Variants in RPL14 observed in about 807,000 individuals in gnomAD.
RPL14 encodes the protein large ribosomal subunit protein eL14.
Under a neutral mutation model 25.3 loss-of-function variants are expected in RPL14, and 4 were observed. That is an observed-to-expected ratio of 0.16 (90% confidence interval 0.08 to 0.36). The LOEUF (loss-of-function observed/expected upper bound fraction) is 0.36, where lower values mean the gene tolerates loss of function less well. Ranked by LOEUF, RPL14 falls within the 10% of genes least tolerant of loss-of-function variation. RPL14 has a pLI of 1.00. For synonymous variants in RPL14, 75 were observed against 89.8 expected (o/e 0.84, Z 0.93); for missense variants, 212 against 261.9 (o/e 0.81, Z 1.31).
intron 3 of RPL14, among the ~76,000 whole-genome samples, chr3:40,460,732 C>T (rs959749545): frequency 6.6e-6 from 1 of 151,956 alleles, no homozygotes; most frequent in Non-Finnish European, 1.5e-5. Flanking sequence ...TAGGCACCTG[C>T]AACCACGCCC....
In RPL14 at chr3:40,463,796, C is replaced by G. The variant is rs1696986839; in HGVS notation, c.*1564C>G. The G allele has an allele frequency of 6.6e-6, 1 of 152,358 alleles. No homozygotes were observed. The highest frequency in any genetic ancestry group is 6.5e-5 in the Admixed American group (1 of 15,292). The allele number at this position is 152,358 out of a possible 1,614,324, so 9.4% of individuals were successfully genotyped here. A position where few individuals can be genotyped will look rare whatever the true frequency, so the allele number is the denominator to read the frequency against. ...ATCCCCAAAGTGTCATGTATATGCA[C>G]TTAACTCCAACATCAGAACACATCT... On this transcript the variant is annotated 3_prime_UTR_variant, in exon 6 of 6. Coordinates refer to ENST00000396203, the MANE Select transcript of RPL14 (RefSeq NM_001034996.3).
chr3:40,460,218 C>T (rs1377252440), intron 3 of RPL14, among the ~76,000 whole-genome samples: 2 of 151,916 alleles, frequency 1.3e-5, no homozygotes, highest in Non-Finnish European at 2.9e-5. Flanking sequence ...ATATTAATTA[C>T]CTTGTTTGTT....
intron 3 of RPL14, 81 bp downstream of exon 3, chr3:40,458,817 C>T (rs1014410435): frequency 2.5e-5 from 27 of 1,071,258 alleles, no homozygotes; most frequent in South Asian, 1.3e-4. Flanking sequence ...GTAAACAATA[C>T]GGAAGATTCA....
At chr3:40,461,751 G>A (rs1696939717) in intron 5 of RPL14, 90 bp downstream of exon 5, 1 of 1,370,528 alleles carries the variant, frequency 7.3e-7, no homozygotes, top group Non-Finnish European at 1.0e-6. Context: ...CCAGCTTCTT[G>A]GAAGCTTTCT....
At chr3:40,460,685 C>G (rs548172084) in intron 3 of RPL14, among the ~76,000 whole-genome samples, 8 of 151,414 alleles carry the variant, frequency 5.3e-5, no homozygotes, top group Non-Finnish European at 8.8e-5. Context: ...GCAATCTTGA[C>G]TCACTGCAAC....
Position 40,462,537 on chromosome 3 carries a change from T to C in RPL14, c.*305T>C, listed in dbSNP as rs1039622305. 4.6e-6 allele frequency: 1 copy of C among 215,882 alleles called. No homozygotes were observed. 13.4% of individuals were successfully genotyped at this position (215,882 alleles called of 1,614,324 possible). ...GACTACAGGTGCCCGCCACCGCGCC[T>C]GGCTAATTTTTTGTATTTTTAGTAG... On this transcript the variant is annotated 3_prime_UTR_variant, in exon 6 of 6. Transcript: ENST00000396203.
chr3:40,461,592 G>T lies in RPL14; in HGVS notation c.301-16G>T, dbSNP rs775718587. The T allele has an allele frequency of 3.7e-5, 52 of 1,418,572 alleles. No homozygotes were observed. Among genetic ancestry groups the T allele is most frequent in the South Asian group, 2.1e-4 (16 of 76,138 alleles). 87.9% of individuals were successfully genotyped at this position (1,418,572 alleles called of 1,614,324 possible). ...GTGAGAGGGATAATTTTTATTTGTT[G>T]TTTTTTTTTTAACAGAAAGCCAAGA... On this transcript the variant is annotated splice_polypyrimidine_tract_variant and intron_variant, in intron 4 of 5. Coordinates refer to ENST00000396203, the MANE Select transcript of RPL14 (RefSeq NM_001034996.3).
At position 40,466,663 on chromosome 3, in the gene RPL14, A is replaced by G. The variant is rs1697031962; in HGVS notation, c.*4431A>G. ...ATACCTGCCTCATATTGTGGCAAGG[A>G]TCAAATGAGTCAAATAAGATGCTTG... is the stretch of plus-strand genomic sequence containing the variant. On this transcript the variant is annotated 3_prime_UTR_variant, in exon 6 of 6. Transcript: ENST00000396203. The G allele has an allele frequency of 6.6e-6, 1 of 152,196 alleles. No individual in the cohort carries two copies. 9.4% of individuals were successfully genotyped at this position (152,196 alleles called of 1,614,324 possible). A position where few individuals can be genotyped will look rare whatever the true frequency, so the allele number is the denominator to read the frequency against.
intron 1 of RPL14, 31 bp from the exon 2 acceptor site, chr3:40,457,859 A>G (rs1696868284): frequency 6.3e-7 from 1 of 1,581,518 alleles, no homozygotes; most frequent in South Asian, 1.1e-5. Context: ...TTTCTAAGTA[A>G]GTTTCACTGT....
At chr3:40,458,983 TG>T in intron 3 of RPL14, 1 of 420,934 alleles carries the variant, frequency 2.4e-6, no homozygotes, top group Non-Finnish European at 4.4e-6. Context: ...AAGACCAGCA[TG>T]GGCAACATGG....
chr3:40,458,310 T>C, intron 2 of RPL14: 1 of 515,230 alleles, frequency 1.9e-6, no homozygotes, highest in South Asian at 2.5e-5. Context: ...CTGCTGTGTA[T>C]TTGAAACAAG....
chr3:40,461,251 C>T (rs1374502777), intron 3 of RPL14, among the ~76,000 whole-genome samples, 156 bp from the exon 4 acceptor site: 1 of 150,934 alleles, frequency 6.6e-6, no homozygotes, highest in East Asian at 1.9e-4. Context: ...AAGTTAATAA[C>T]CTATTCTGGC....
Position 40,461,505 on chromosome 3 carries a change from G to C in RPL14, c.299G>C (p.Arg100Thr). The C allele has an allele frequency of 6.2e-7, 1 of 1,613,852 alleles. No individual in the cohort carries two copies. The highest frequency in any genetic ancestry group is 8.5e-7 in the Non-Finnish European group (1 of 1,179,862). ...GCCAAGAAGATTGAAGCCAGAGAAA[G>C]GGTAATAACTTAGGGTCATTTGAAT... ...RWAKKIEARE[R>T]KAKMTDFDRF... The change falls in exon 4 of 6, where the codon AGG (arginine) becomes ACG (threonine). Residue 100 changes from arginine to threonine, a missense_variant and splice_region_variant. Around this residue, in one of 3 missense-constraint regions of RPL14, gnomAD observed 143 missense variants for 180.3 expected, o/e 0.79. Coordinates refer to ENST00000396203, the MANE Select transcript of RPL14 (RefSeq NM_001034996.3).
intron 3 of RPL14, among the ~76,000 whole-genome samples, chr3:40,460,769 A>G (rs915867927): frequency 1.3e-4 from 20 of 152,154 alleles, no homozygotes; most frequent in Admixed American, 8.5e-4. Flanking sequence ...TTTAGTAGAG[A>G]TGGGGTTTCA....
At chr3:40,458,788 A>G (rs1195392881) in intron 3 of RPL14, 52 bp downstream of exon 3, 1 of 1,473,370 alleles carries the variant, frequency 6.8e-7, no homozygotes, top group East Asian at 2.3e-5. Flanking sequence ...TGTTTATGCT[A>G]GTAAAAGTTT....
Position 40,468,517 on chromosome 3 carries a change from A to G in RPL14, c.*6285A>G, listed in dbSNP as rs1352155059. Reference sequence around the variant, plus strand: ...TTAGATAGCCATTAAGTCCACTCATAGAGTTATTTTAAATGTTTTCCTTTA... The same window carrying G: ...TTAGATAGCCATTAAGTCCACTCATGGAGTTATTTTAAATGTTTTCCTTTA... On this transcript the variant is annotated 3_prime_UTR_variant, in exon 6 of 6. Coordinates refer to ENST00000396203, the MANE Select transcript of RPL14 (RefSeq NM_001034996.3). 6.6e-6 allele frequency: 1 copy of G among 152,222 alleles called. No individual in the cohort carries two copies. The highest frequency in any genetic ancestry group is 2.4e-5 in the African/African-American group (1 of 41,462). The allele number at this position is 152,222 out of a possible 1,614,324, so 9.4% of individuals were successfully genotyped here.
rs1421662704 is a variant in RPL14, at chr3:40,467,081, CAT to C, written c.*4853_*4854del. ...TTCCAGTACCCTGTGTAAAGGAAAA[CAT>C]ATACATCTTGCAGACATTTTTTAAT... On this transcript the variant is annotated 3_prime_UTR_variant, in exon 6 of 6. Transcript: ENST00000396203. 33 of 152,206 alleles carry C rather than the reference CAT, an allele frequency of 2.2e-4. No individual in the cohort carries two copies. Among genetic ancestry groups the C allele is most frequent in the Admixed American group, 2.0e-4 (3 of 15,270 alleles). 9.4% of individuals were successfully genotyped at this position (152,206 alleles called of 1,614,324 possible).
At chr3:40,458,134 C>G (rs1017852398) in intron 2 of RPL14, 143 bp downstream of exon 2, 1 of 695,326 alleles carries the variant, frequency 1.4e-6, no homozygotes, top group Non-Finnish European at 2.5e-6. Flanking sequence ...GGTAATGGTA[C>G]GGGTTTTAAG....
intron 1 of RPL14, 114 bp from the exon 2 acceptor site, chr3:40,457,776 C>A: frequency 9.5e-7 from 1 of 1,055,414 alleles, no homozygotes; most frequent in Non-Finnish European, 1.4e-6. Context: ...GGCGTTTGTT[C>A]CCTGCAGCAT....
Sources: gnomAD v4.1 joint callset for allele counts (sites outside exome capture counted in the v4.1 genomes callset) on GRCh38, gnomAD v4.1.1 for gene constraint, gnomAD v4.1.1 regional missense constraint, MANE v1.5 for transcripts, NCBI Gene and HGNC (gene_info 2026-07-23, HGNC 2026-07-21) for gene names.